Variants in MGAT4C observed in about 807,000 individuals in gnomAD.
MGAT4C encodes MGAT4 family member C.
A neutral mutation model predicts 40.1 loss-of-function variants in MGAT4C; 19 were observed. That is an observed-to-expected ratio of 0.47 (90% confidence interval 0.33 to 0.70). MGAT4C has a LOEUF of 0.70. Ranked by LOEUF, MGAT4C falls within the 30% of genes least tolerant of loss-of-function variation. MGAT4C has a pLI of 0.02. For missense variants in MGAT4C, 491 were observed against 563.2 expected (o/e 0.87, Z 1.30); for synonymous variants, 181 against 187.1 (o/e 0.97, Z 0.27).
chr12:86,767,080 G>A (rs1210813548), intron 1 of MGAT4C, among the ~76,000 whole-genome samples: 1 of 152,108 alleles, frequency 6.6e-6, no homozygotes, highest in African/African-American at 2.4e-5. Context: ...GAATCCAGAA[G>A]CTGGTTTTTT....
intron 1 of MGAT4C, among the ~76,000 whole-genome samples, chr12:86,168,513 A>AAAAG: frequency 6.6e-6 from 1 of 152,322 alleles, no homozygotes; most frequent in Middle Eastern, 3.4e-3. Flanking sequence ...TAGAAAACAA[A>AAAAG]AAACAAACAA....
intron 3 of MGAT4C, chr12:86,334,188 T>C (rs1314665438): frequency 6.6e-6 from 1 of 152,120 alleles, no homozygotes; most frequent in Admixed American, 6.6e-5. Flanking sequence ...TTAGAATGCA[T>C]GCAAATAAAC....
intron 1 of MGAT4C, among the ~76,000 whole-genome samples, chr12:86,776,831 A>G (rs1045779762): frequency 5.9e-5 from 9 of 152,120 alleles, no homozygotes; most frequent in African/African-American, 2.2e-4. Flanking sequence ...GAGACATATA[A>G]ATATCAGAAT....
At chr12:86,351,300 C>T (rs896070391) in intron 3 of MGAT4C, among the ~76,000 whole-genome samples, 11 of 151,822 alleles carry the variant, frequency 7.2e-5, no homozygotes, top group Non-Finnish European at 1.3e-4. Context: ...TTGTTACTCA[C>T]CAATTTCTGT....
intron 4 of MGAT4C, among the ~76,000 whole-genome samples, chr12:86,297,091 AAG>A (rs1953700927): frequency 6.6e-6 from 1 of 152,248 alleles, no homozygotes. Flanking sequence ...TATACAGTAA[AAG>A]AACTTTACAG....
chr12:86,366,857 TTAA>T (rs1156569780), intron 3 of MGAT4C, among the ~76,000 whole-genome samples: 1 of 152,134 alleles, frequency 6.6e-6, no homozygotes, highest in Admixed American at 6.6e-5. Flanking sequence ...ACACATTATC[TTAA>T]TAATAGATGC....
rs188458665 is a variant in MGAT4C at position 86,775,337 on chromosome 12, T to A, written c.-261-48096A>T. On this transcript the variant is annotated intron_variant, in intron 1 of 7. Coordinates refer to the MGAT4C transcript ENST00000548651. ...CCATCCATTTTTAAATTCATATATA[T>A]ATATTTAACATAGATAACAATGCTA... is the stretch of plus-strand genomic sequence containing the variant. Among the ~76,000 whole-genome samples the A allele has an allele frequency of 8.6e-3, 1,305 of 151,800 alleles. 8 individuals carry two copies. The highest frequency in any genetic ancestry group is 0.017 in the Middle Eastern group (5 of 292).
At chr12:86,123,893 T>A (rs528614297) in intron 1 of MGAT4C, among the ~76,000 whole-genome samples, 2 of 152,132 alleles carry the variant, frequency 1.3e-5, no homozygotes, top group Non-Finnish European at 2.9e-5. Context: ...GTCCCTTGTA[T>A]GTGCATTTTA....
intron 3 of MGAT4C, among the ~76,000 whole-genome samples, chr12:86,432,736 TAAA>T (rs1385206626): frequency 6.6e-6 from 1 of 152,048 alleles, no homozygotes. Context: ...TGAAAAGTAA[TAAA>T]AACTTTTCTA....
intron 2 of MGAT4C, among the ~76,000 whole-genome samples, chr12:86,627,147 A>G (rs1962837584): frequency 1.1e-5 from 1 of 94,748 alleles, no homozygotes; most frequent in African/African-American, 4.3e-5. Flanking sequence ...TCGAACTGCC[A>G]AGCAGCAAGC....
chr12:86,048,372 G>T (rs142707929), intron 2 of MGAT4C, among the ~76,000 whole-genome samples: 34 of 152,122 alleles, frequency 2.2e-4, no homozygotes, highest in African/African-American at 7.9e-4. Context: ...TACTATGCTT[G>T]CTACCTGAGT....
chr12:86,725,259 T>G (rs1469715614), intron 2 of MGAT4C, among the ~76,000 whole-genome samples: 1 of 152,208 alleles, frequency 6.6e-6, no homozygotes, highest in Non-Finnish European at 1.5e-5. Flanking sequence ...CAGGGAGCTG[T>G]GTGAAAATTG....
chr12:86,677,152 A>T (rs1247387556), intron 2 of MGAT4C, among the ~76,000 whole-genome samples: 1 of 152,126 alleles, frequency 6.6e-6, no homozygotes, highest in Non-Finnish European at 1.5e-5. Flanking sequence ...ACCAATACTT[A>T]ATTACCTAAT....
intron 3 of MGAT4C, among the ~76,000 whole-genome samples, chr12:86,371,973 G>C (rs1180374679): frequency 6.6e-6 from 1 of 151,700 alleles, no homozygotes; most frequent in Non-Finnish European, 1.5e-5. Context: ...TTCAACATTT[G>C]CCTTTGGGTA....
chr12:86,748,633 A>G (rs1043637691), intron 1 of MGAT4C, among the ~76,000 whole-genome samples: 14 of 151,630 alleles, frequency 9.2e-5, no homozygotes, highest in Non-Finnish European at 1.3e-4. Context: ...TCAGAAATAC[A>G]GAGTGTGTAA....
intron 3 of MGAT4C, among the ~76,000 whole-genome samples, chr12:86,402,990 C>A (rs1956398869): frequency 6.6e-6 from 1 of 152,156 alleles, no homozygotes; most frequent in Admixed American, 6.6e-5. Flanking sequence ...GTAATATTAA[C>A]TAACATGTTT....
intron 1 of MGAT4C, among the ~76,000 whole-genome samples, chr12:86,140,327 G>A (rs1882652802): frequency 6.6e-6 from 1 of 152,104 alleles, no homozygotes; most frequent in Non-Finnish European, 1.5e-5. Context: ...GGTTTAAAAT[G>A]TGCCCCTATG....
At chr12:86,782,780 A>C (rs1951867391) in intron 1 of MGAT4C, among the ~76,000 whole-genome samples, 1 of 151,948 alleles carries the variant, frequency 6.6e-6, no homozygotes, top group African/African-American at 2.4e-5. Flanking sequence ...TCTCTTGCCC[A>C]GAGGAAAAGC....
chr12:86,137,843 A>T (rs1412298011), intron 1 of MGAT4C, among the ~76,000 whole-genome samples: 1 of 152,198 alleles, frequency 6.6e-6, no homozygotes, highest in Non-Finnish European at 1.5e-5. Context: ...CGTGGGAGCC[A>T]ATAACCACAT....
Sources: allele counts gnomAD v4.1 joint callset (sites outside exome capture counted in the v4.1 genomes callset), GRCh38; gene constraint gnomAD v4.1.1; transcripts MANE v1.5; gene names NCBI Gene and HGNC (gene_info 2026-07-23, HGNC 2026-07-21).